Variants in ADAMTS13 observed in about 807,000 individuals in gnomAD.
The protein encoded by ADAMTS13 is A disintegrin and metalloproteinase with thrombospondin motifs 13.
Under a neutral mutation model 155.1 loss-of-function variants are expected in ADAMTS13, and 110 were observed. That is an observed-to-expected ratio of 0.71 (90% CI 0.61 to 0.83). ADAMTS13 has a LOEUF of 0.83. ADAMTS13 is among the 40% of genes least tolerant of loss of function. The pLI is 0.00. For synonymous variants in ADAMTS13, 758 were observed against 756.4 expected, an observed-to-expected ratio of 1.00 and a Z score of -0.03; for missense variants, 1,707 against 1,891.7, an observed-to-expected ratio of 0.90 and a Z score of 1.81.
chr9:133,429,653 A>G, intron 7 of ADAMTS13: 1 of 577,794 alleles, frequency 1.7e-6, no homozygotes. Context: ...CTTCCCGCCG[A>G]CCGCACCGCT....
intron 23 of ADAMTS13, 41 bp downstream of exon 23, chr9:133,450,006 G>A (rs1441027473): frequency 3.2e-6 from 5 of 1,555,956 alleles, no homozygotes; most frequent in South Asian, 1.2e-5. Context: ...CCTGGTGTGT[G>A]CAGATGCCAG....
At chr9:133,452,637 G>T (rs1842501205) in intron 23 of ADAMTS13, among the ~76,000 whole-genome samples, 1 of 152,106 alleles carries the variant, frequency 6.6e-6, no homozygotes, top group East Asian at 1.9e-4. Context: ...CTACCAGGTA[G>T]CCCTGTTCTC....
At chr9:133,452,748 G>A (rs1554794672) in intron 23 of ADAMTS13, among the ~76,000 whole-genome samples, 2 of 152,012 alleles carry the variant, frequency 1.3e-5, no homozygotes, top group African/African-American at 4.8e-5. Context: ...GGGCTCAAGT[G>A]ATCCTCCTGC....
Position 133,455,391 on chromosome 9 carries a change from C to T in ADAMTS13, c.3356C>T (p.Pro1119Leu), listed in dbSNP as rs1044262941. 1.1e-5 allele frequency: 18 copies of T among 1,612,686 alleles called. No individual in the cohort carries two copies. Among genetic ancestry groups the T allele is most frequent in the South Asian group, 6.6e-5 (6 of 91,084 alleles). ...PADFCQHLPK[P>L]VTVRGCWAGP... The stretch of plus-strand genomic sequence containing the variant: ...GATTTCTGCCAGCACTTGCCCAAGC[C>T]GGTGACTGTGCGTGGCTGCTGGGCT... Residue 1119 changes from proline (P) to leucine (L), a missense_variant, in exon 25 of 29, where the codon CCG becomes CTG. Physicochemically the swap from Pro to Leu is moderately conservative, Grantham distance 98 (BLOSUM62 -3). Transcript: ENST00000355699.
intron 1 of ADAMTS13, chr9:133,414,812 G>A (rs988432346): frequency 1.6e-5 from 26 of 1,614,116 alleles, no homozygotes; most frequent in Middle Eastern, 1.6e-4. Flanking sequence ...AGGTACTGGC[G>A]CCCTCCTGTC....
chr9:133,414,509 AG>A (rs782188925), exon 1 of ADAMTS13: 2 of 756,662 alleles, frequency 2.6e-6, no homozygotes, highest in African/African-American at 3.4e-5. Flanking sequence ...CGCACACTCT[AG>A]GGGAAAACAA....
chr9:133,445,871 G>A lies in ADAMTS13; in HGVS notation c.2731+52G>A, dbSNP rs781925321. On this transcript the variant is annotated intron_variant, in intron 21 of 28. Transcript: ENST00000355699. This position sits in a 1 kb window ranked among gnomAD's most constrained non-coding sequence, Gnocchi z 5.0. ...GACCAGCACTCATGGTAACTCTCCT[G>A]TCCACTTGCATCTTGCCTCGTTCTG... is the stretch of plus-strand genomic sequence containing the variant. The A allele has an allele frequency of 3.1e-5, 47 of 1,517,418 alleles. No homozygotes were observed. The South Asian group carries it at 5.9e-4, about 19-fold the overall frequency. 94.0% of individuals were successfully genotyped at this position (1,517,418 alleles called of 1,614,324 possible). A position where few individuals can be genotyped will look rare whatever the true frequency, so the allele number is the denominator to read the frequency against.
chr9:133,438,093 G>A (rs958108270), intron 13 of ADAMTS13, among the ~76,000 whole-genome samples, 153 bp from the exon 14 acceptor site: 1 of 152,192 alleles, frequency 6.6e-6, no homozygotes, highest in African/African-American at 2.4e-5. Context: ...AAGTCACTGA[G>A]CCCTCTAAGC....
upstream of ADAMTS13, chr9:133,417,972 G>A (rs1784587040): frequency 4.7e-6 from 4 of 849,728 alleles, 1 homozygote; most frequent in South Asian, 5.3e-5. Context: ...ACCCCGTCCA[G>A]GAAAAGACTC....
chr9:133,437,054 C>G, intron 12 of ADAMTS13, 99 bp downstream of exon 12: 1 of 1,455,660 alleles, frequency 6.9e-7, no homozygotes, highest in South Asian at 1.3e-5. Flanking sequence ...CCCTCCAGCA[C>G]TGGGCAAAGT....
chr9:133,429,850 G>A, intron 7 of ADAMTS13, 89 bp from the exon 8 acceptor site: 2 of 1,498,872 alleles, frequency 1.3e-6, no homozygotes, highest in East Asian at 2.5e-5. Context: ...GCTTCCAAAC[G>A]CTTCCATCCT....
chr9:133,417,967 G>T, upstream of ADAMTS13: 2 of 916,282 alleles, frequency 2.2e-6, no homozygotes, highest in Non-Finnish European at 1.6e-6. Context: ...CAGGGACCCC[G>T]TCCAGGAAAA....
At chr9:133,422,287 C>T (rs1444558332), upstream of ADAMTS13, 4 of 721,484 alleles carry the variant, frequency 5.5e-6, no homozygotes, top group East Asian at 5.4e-5. Flanking sequence ...CCACCCTAGC[C>T]ACGGCCCCTG....
At chr9:133,446,617 A>G (rs1842082361) in intron 21 of ADAMTS13, among the ~76,000 whole-genome samples, 1 of 152,226 alleles carries the variant, frequency 6.6e-6, no homozygotes, top group South Asian at 2.1e-4. Context: ...GGCTATTGTG[A>G]ATAATGCTTC....
At position 133,439,424 on chromosome 9, in the gene ADAMTS13, C is replaced by T. The variant is rs976012072; in HGVS notation, c.1764C>T (p.His588=). ...TGACCAGTGTCTACATTGCCAACCA[C>T]AGGCCTCTCTTCACACACTTGGGTG... is the stretch of plus-strand genomic sequence containing the variant. ...PNLTSVYIAN[H]RPLFTHLAVR... Residue 588 remains histidine (H), a synonymous_variant, in exon 15 of 29, where the codon CAC becomes CAT. Coordinates refer to ENST00000355699, the MANE Select transcript of ADAMTS13 (RefSeq NM_139027.6). 4 of 1,613,972 alleles carry T rather than the reference C, an allele frequency of 2.5e-6. No individual in the cohort carries two copies. The highest frequency in any genetic ancestry group is 2.7e-5 in the African/African-American group (2 of 74,942).
rs587776281 is a variant in ADAMTS13 at position 133,450,581 on chromosome 9, A to G, written c.3044+616A>G. On this transcript the variant is annotated intron_variant, in intron 23 of 28. Coordinates refer to ENST00000355699, the MANE Select transcript of ADAMTS13 (RefSeq NM_139027.6). ...ACTCCATCTCAAAAAAAAAAAAAAA[A>G]AAAGAAAACCCACAAAAATTAGCCT... 5.3e-4 allele frequency among the ~76,000 whole-genome samples: 81 copies of G among 151,684 alleles called. 1 individual carries two copies. The East Asian group carries it at 0.015, about 28-fold the overall frequency.
intron 11 of ADAMTS13, among the ~76,000 whole-genome samples, chr9:133,435,912 G>A (rs112220437): frequency 2.8e-3 from 425 of 151,556 alleles, no homozygotes; most frequent in Middle Eastern, 7.0e-3. Context: ...TTGCGCCAGG[G>A]TTCCAGTTTC....
At chr9:133,428,983 C>A (rs1554786139) in intron 7 of ADAMTS13, among the ~76,000 whole-genome samples, 1 of 147,376 alleles carries the variant, frequency 6.8e-6, no homozygotes. Context: ...CGCTGGGCCG[C>A]CCGCGCCACC....
In ADAMTS13 at chr9:133,438,308, T is replaced by TG. The variant is rs1841403128; in HGVS notation, c.1651dup (p.Asp551GlyfsTer64). On this transcript the variant is annotated frameshift_variant, in exon 14 of 29. Coordinates refer to ENST00000355699, the MANE Select transcript of ADAMTS13 (RefSeq NM_139027.6). LOFTEE classifies it high-confidence loss of function. ...TATGGGACAGGTGCCAGGTGTGTGG[T>TG]GGGGACAACAGCACGTGCAGCCCAC... 1 of 1,613,926 alleles carries TG rather than the reference T, an allele frequency of 6.2e-7. No homozygotes were observed. Among genetic ancestry groups the TG allele is most frequent in the Non-Finnish European group, 8.5e-7 (1 of 1,179,960 alleles).
Sources: allele counts gnomAD v4.1 joint callset (sites outside exome capture counted in the v4.1 genomes callset), GRCh38; gene constraint gnomAD v4.1.1; non-coding constraint Gnocchi (gnomAD v3.1); transcripts MANE v1.5; gene names NCBI Gene and HGNC (gene_info 2026-07-23, HGNC 2026-07-21).